RBMS3: variants seen among roughly 807,000 people sequenced by gnomAD.
The protein encoded by RBMS3 is RNA-binding motif, single-stranded-interacting protein 3.
In RBMS3, 27 loss-of-function variants were observed where a neutral mutation model predicts 66.8. The observed-to-expected ratio is 0.40, with a 90% CI of 0.30 to 0.56. RBMS3 has a LOEUF of 0.56. Ranked by LOEUF, RBMS3 falls within the 20% of genes least tolerant of loss-of-function variation. The probability of loss-of-function intolerance (pLI) is 0.40; values close to 1 mark genes in which losing one functional copy is unlikely to be tolerated. For missense variants in RBMS3, 513 were observed against 549.5 expected, an observed-to-expected ratio of 0.93 and a Z score of 0.66; for synonymous variants, 188 against 183.0, an observed-to-expected ratio of 1.03 and a Z score of -0.22.
intron 1 of RBMS3, among the ~76,000 whole-genome samples, chr3:29,309,427 C>T (rs9865044): frequency 9.2e-5 from 14 of 151,462 alleles, no homozygotes; most frequent in African/African-American, 2.2e-4. Flanking sequence ...ACCCTTTGGG[C>T]GTATTTGTAT....
At chr3:29,853,703 G>T (rs1195918412) in intron 6 of RBMS3, among the ~76,000 whole-genome samples, 2 of 152,042 alleles carry the variant, frequency 1.3e-5, no homozygotes, top group Non-Finnish European at 2.9e-5. Flanking sequence ...AGGTGGATGT[G>T]GTCACCTTCC....
At chr3:29,765,268 A>T (rs1463327508) in intron 6 of RBMS3, among the ~76,000 whole-genome samples, 3 of 151,980 alleles carry the variant, frequency 2.0e-5, no homozygotes, top group Non-Finnish European at 2.9e-5. Context: ...ATTGGTCCTC[A>T]TTACTTATTA....
At chr3:29,868,819 G>C (rs2059420313) in intron 6 of RBMS3, 39 bp from the exon 7 acceptor site, 1 of 1,494,260 alleles carries the variant, frequency 6.7e-7, no homozygotes, top group Non-Finnish European at 9.2e-7. Context: ...GTTTTTAAGG[G>C]GGAGTTGTTA....
At chr3:29,452,047 T>C (rs1157389076) in intron 2 of RBMS3, among the ~76,000 whole-genome samples, 1 of 152,174 alleles carries the variant, frequency 6.6e-6, no homozygotes, top group Non-Finnish European at 1.5e-5. Context: ...AGAGCAGTTG[T>C]TTTCTGGATC....
intron 1 of RBMS3, among the ~76,000 whole-genome samples, chr3:29,327,294 A>G (rs1197140822): frequency 6.6e-6 from 1 of 152,180 alleles, no homozygotes; most frequent in Non-Finnish European, 1.5e-5. Context: ...GCAATATGCT[A>G]CTAAGAATTG....
At chr3:29,507,881 A>G (rs1335844741) in intron 3 of RBMS3, among the ~76,000 whole-genome samples, 2 of 152,174 alleles carry the variant, frequency 1.3e-5, no homozygotes, top group African/African-American at 4.8e-5. Flanking sequence ...TGTTCATTAT[A>G]TGTTTAAAAA....
At chr3:29,758,605 C>T (rs1181306112) in intron 5 of RBMS3, among the ~76,000 whole-genome samples, 1 of 152,136 alleles carries the variant, frequency 6.6e-6, no homozygotes, top group Non-Finnish European at 1.5e-5. Context: ...GTACTTAAGA[C>T]ACTTGTATCC....
intron 4 of RBMS3, among the ~76,000 whole-genome samples, chr3:29,650,270 CCTTTCTTTCT>C (rs2050094287): frequency 6.9e-6 from 1 of 145,934 alleles, no homozygotes; most frequent in South Asian, 2.2e-4. Flanking sequence ...GTCAATTACT[CCTTTCTTTCT>C]TTTTTTTTTT....
chr3:29,635,292 C>G (rs572144487), intron 4 of RBMS3, among the ~76,000 whole-genome samples: 2 of 151,842 alleles, frequency 1.3e-5, no homozygotes, highest in Non-Finnish European at 2.9e-5. Flanking sequence ...CAAACCTAAA[C>G]CCCTAATCTC....
At chr3:29,911,470 T>A (rs4563369) in intron 10 of RBMS3, among the ~76,000 whole-genome samples, 8,084 of 152,116 alleles carry the variant, frequency 0.053, 285 homozygotes, top group African/African-American at 0.097. Flanking sequence ...CCGTTTGCAT[T>A]TCTAGGCAAA....
chr3:29,503,499 A>G (rs888486395), intron 3 of RBMS3, among the ~76,000 whole-genome samples: 5 of 152,044 alleles, frequency 3.3e-5, no homozygotes, highest in African/African-American at 9.7e-5. Context: ...TTTAGATTCT[A>G]ACTACATTTC....
chr3:29,973,035 A>G (rs1342531487), intron 12 of RBMS3, among the ~76,000 whole-genome samples: 3 of 152,072 alleles, frequency 2.0e-5, no homozygotes, highest in South Asian at 4.1e-4. Context: ...TAGTTTCTGG[A>G]AGAACTAACT....
At chr3:29,686,792 A>G (rs1386567913) in intron 4 of RBMS3, among the ~76,000 whole-genome samples, 2 of 152,234 alleles carry the variant, frequency 1.3e-5, no homozygotes, top group Admixed American at 6.5e-5. Flanking sequence ...CTTGGTACAT[A>G]TAAACTCTAA....
chr3:29,703,725 A>T (rs2052739688), intron 4 of RBMS3, among the ~76,000 whole-genome samples: 1 of 152,216 alleles, frequency 6.6e-6, no homozygotes, highest in African/African-American at 2.4e-5. Flanking sequence ...TCCCATTCTT[A>T]TTGTGAAAGA....
intron 3 of RBMS3, among the ~76,000 whole-genome samples, chr3:29,570,442 C>G (rs768454720): frequency 6.6e-6 from 1 of 151,696 alleles, no homozygotes; most frequent in African/African-American, 2.4e-5. Flanking sequence ...TTTTTTGTAC[C>G]CTTCAACCAT....
At chr3:29,906,154 T>C (rs955548991) in intron 10 of RBMS3, among the ~76,000 whole-genome samples, 2 of 152,160 alleles carry the variant, frequency 1.3e-5, no homozygotes, top group African/African-American at 4.8e-5. Context: ...ATGTATTCTA[T>C]ACATTGCTTA....
intron 1 of RBMS3, among the ~76,000 whole-genome samples, chr3:29,422,803 G>A (rs1043952919): frequency 1.3e-5 from 2 of 152,098 alleles, no homozygotes; most frequent in Non-Finnish European, 2.9e-5. Context: ...TACTTTGCAT[G>A]TATTAATTCC....
At chr3:29,536,836 T>C (rs2045573840) in intron 3 of RBMS3, among the ~76,000 whole-genome samples, 1 of 152,200 alleles carries the variant, frequency 6.6e-6, no homozygotes, top group African/African-American at 2.4e-5. Flanking sequence ...CAGTTTCTGC[T>C]CCGACTGCAA....
At chr3:29,659,583 A>G (rs375263995) in intron 4 of RBMS3, among the ~76,000 whole-genome samples, 6 of 152,224 alleles carry the variant, frequency 3.9e-5, no homozygotes, top group South Asian at 2.1e-4. Context: ...GTTGAATACT[A>G]TTACAGTATA....
Sources: allele counts gnomAD v4.1 joint callset (sites outside exome capture counted in the v4.1 genomes callset), GRCh38; gene constraint gnomAD v4.1.1; transcripts MANE v1.5; gene names NCBI Gene and HGNC (gene_info 2026-07-23, HGNC 2026-07-21).